Variants in AUH observed in about 807,000 individuals in gnomAD.
AUH encodes the protein AU RNA binding methylglutaconyl-CoA hydratase.
In AUH, 29 loss-of-function variants were observed where a neutral mutation model predicts 42.3. The observed-to-expected ratio is 0.69, with a 90% CI of 0.51 to 0.93. The LOEUF is 0.93. Ranked by LOEUF, AUH falls within the 40% of genes least tolerant of loss-of-function variation. The pLI, the probability that AUH is intolerant of heterozygous loss-of-function variation, is 0.00. For missense variants in AUH, 452 were observed against 438.1 expected (o/e 1.03, Z -0.28); for synonymous variants, 174 against 166.4 (o/e 1.05, Z -0.35).
intron 6 of AUH, among the ~76,000 whole-genome samples, chr9:91,272,773 G>A (rs895467930): frequency 5.9e-5 from 9 of 152,096 alleles, no homozygotes; most frequent in Non-Finnish European, 1.2e-4. Context: ...ACAAGTATCT[G>A]GTGCATAAGC....
chr9:91,301,468 G>T (rs1434620976), intron 4 of AUH, among the ~76,000 whole-genome samples: 2 of 152,162 alleles, frequency 1.3e-5, no homozygotes, highest in Non-Finnish European at 2.9e-5. Flanking sequence ...ATTCTGGGAG[G>T]CCAAGGACGA....
chr9:91,331,546 T>C lies in AUH; in HGVS notation c.419-6142A>G, dbSNP rs993227679. ...AATAACTTGTATTGCTTTTGCATTA[T>C]CTACTGCAAACTCTTTTCATTTAAA... On this transcript the variant is annotated intron_variant, in intron 3 of 9. Coordinates refer to ENST00000375731, the MANE Select transcript of AUH (RefSeq NM_001698.3). Among the ~76,000 whole-genome samples, 11 of 152,360 alleles carry C rather than the reference T, an allele frequency of 7.2e-5. No homozygotes were observed. The South Asian group carries it at 1.4e-3, about 20-fold the overall frequency.
chr9:91,358,325 T>TCA (rs1934365040), intron 1 of AUH, among the ~76,000 whole-genome samples: 1 of 152,164 alleles, frequency 6.6e-6, no homozygotes, highest in Admixed American at 6.5e-5. Context: ...GAAGTGCCTT[T>TCA]CAGACATCCA....
chr9:91,361,495 G>A (rs1462029441), intron 1 of AUH, 133 bp downstream of exon 1: 15 of 1,278,174 alleles, frequency 1.2e-5, no homozygotes, highest in South Asian at 4.5e-5. Context: ...AGGTGAGAAA[G>A]GGGAGGGACC....
chr9:91,299,615 G>A (rs1183201840), intron 4 of AUH, among the ~76,000 whole-genome samples: 1 of 152,094 alleles, frequency 6.6e-6, no homozygotes, highest in Non-Finnish European at 1.5e-5. Context: ...AGCTATGTCA[G>A]GGTTTGCAGT....
In AUH at chr9:91,214,852, C is replaced by T. The variant is rs573442469; in HGVS notation, c.943-427G>A. ...TAATCACCCAATATTTTGGGTTTTT[C>T]CAGCAGTCTTTCTTTTATTGATTTC... On this transcript the variant is annotated intron_variant, in intron 9 of 9. Coordinates refer to ENST00000375731, the MANE Select transcript of AUH (RefSeq NM_001698.3). Among the ~76,000 whole-genome samples the T allele has an allele frequency of 2.6e-5, 4 of 152,288 alleles. No homozygotes were observed. The South Asian group carries it at 8.3e-4, about 32-fold the overall frequency.
At chr9:91,226,496 T>C (rs1200672396) in intron 6 of AUH, among the ~76,000 whole-genome samples, 6 of 151,912 alleles carry the variant, frequency 3.9e-5, no homozygotes, top group Non-Finnish European at 8.8e-5. Flanking sequence ...TCCCATTCTG[T>C]AGGTTGCCTG....
intron 6 of AUH, among the ~76,000 whole-genome samples, chr9:91,278,543 G>A (rs1460207374): frequency 6.6e-6 from 1 of 152,178 alleles, no homozygotes; most frequent in Non-Finnish European, 1.5e-5. Context: ...ACCTTTGTGG[G>A]TAACAAATCT....
chr9:91,261,052 A>G (rs1564039963), intron 6 of AUH, among the ~76,000 whole-genome samples: 1 of 152,134 alleles, frequency 6.6e-6, no homozygotes, highest in Non-Finnish European at 1.5e-5. Context: ...TAAATCCTTG[A>G]GTATAAACGT....
intron 6 of AUH, among the ~76,000 whole-genome samples, chr9:91,232,159 G>C (rs1827924238): frequency 6.6e-6 from 1 of 152,056 alleles, no homozygotes; most frequent in Non-Finnish European, 1.5e-5. Flanking sequence ...CTGGGGCAGG[G>C]GGATAGCTTG....
chr9:91,314,334 A>G (rs1344255798), intron 4 of AUH, among the ~76,000 whole-genome samples: 1 of 151,764 alleles, frequency 6.6e-6, no homozygotes, highest in East Asian at 2.0e-4. Flanking sequence ...ACGAAACAAC[A>G]CAAAACTTAG....
intron 6 of AUH, among the ~76,000 whole-genome samples, chr9:91,228,257 C>T (rs907351343): frequency 7.9e-5 from 12 of 152,186 alleles, no homozygotes; most frequent in African/African-American, 2.9e-4. Flanking sequence ...TTCAGAGATT[C>T]AACTTCTTCG....
At chr9:91,316,394 T>A (rs1221553866) in intron 4 of AUH, among the ~76,000 whole-genome samples, 2 of 152,200 alleles carry the variant, frequency 1.3e-5, no homozygotes, top group Non-Finnish European at 2.9e-5. Flanking sequence ...TAAATACCCC[T>A]TAAAAAGTGA....
Position 91,298,059 on chromosome 9 carries a change from T to C in AUH, c.523A>G (p.Thr175Ala). 1.2e-6 allele frequency: 2 copies of C among 1,613,828 alleles called. No individual in the cohort carries two copies. The highest frequency in any genetic ancestry group is 1.1e-5 in the South Asian group (1 of 91,070). ...INDIANLPVP[T>A]IAAIDGLALG... ...GCGAGTCCATCTATTGCTGCAATTG[T>C]TGGTACTGGAAGATTAGCTGAAATG... The change falls in exon 5 of 10, where the codon ACA (threonine) becomes GCA (alanine). Residue 175 changes from threonine (T) to alanine (A), a missense_variant. Physicochemically the swap from Thr to Ala is moderately conservative, Grantham distance 58. Coordinates refer to ENST00000375731, the MANE Select transcript of AUH (RefSeq NM_001698.3).
At chr9:91,346,462 A>T (rs528260467) in intron 3 of AUH, among the ~76,000 whole-genome samples, 1 of 152,128 alleles carries the variant, frequency 6.6e-6, no homozygotes, top group Admixed American at 6.6e-5. Context: ...TGCTCTAAGT[A>T]CCTCCTCCAC....
chr9:91,233,168 C>T (rs73497144), intron 6 of AUH, among the ~76,000 whole-genome samples: 8 of 152,078 alleles, frequency 5.3e-5, no homozygotes, highest in African/African-American at 1.2e-4. Context: ...AGTAAGAAAG[C>T]GGGGGGAGAT....
In AUH at chr9:91,291,262, C is replaced by T. The variant is rs74550375; in HGVS notation, c.655+4759G>A. Among the ~76,000 whole-genome samples, 3,597 of 151,646 alleles carry T rather than the reference C, an allele frequency of 0.024. 258 individuals carry two copies. The East Asian group carries it at 0.26, about 11-fold the overall frequency. ...TCTCATCTTGAGATCCTTAATTACA[C>T]GTGCAAGATGCTTTTCCTTCCAGGC... On this transcript the variant is annotated intron_variant, in intron 6 of 9. Transcript: ENST00000375731.
intron 4 of AUH, among the ~76,000 whole-genome samples, chr9:91,323,929 CCT>C (rs1829781827): frequency 6.6e-6 from 1 of 152,002 alleles, no homozygotes; most frequent in South Asian, 2.1e-4. Context: ...AGAAATTTTT[CCT>C]CTTTGCCTTA....
chr9:91,298,003 G>A lies in AUH; in HGVS notation c.579C>T (p.Ala193=), dbSNP rs769122360. 2 of 1,611,740 alleles carry A rather than the reference G, an allele frequency of 1.2e-6. No individual in the cohort carries two copies. Among genetic ancestry groups the A allele is most frequent in the African/African-American group, 1.3e-5 (1 of 74,862 alleles). Residue 193 remains alanine, a synonymous_variant, in exon 5 of 10, where the codon GCC becomes GCT. Coordinates refer to ENST00000375731, the MANE Select transcript of AUH (RefSeq NM_001698.3). ...TCTTACCTGCTACTCGTATATCACA[G>A]GCTAAAGCCAGTTCAAGACCACCAC... The part of the protein sequence containing the change: ...ALGGGLELAL[A]CDIRVAASSA...
Sources: gnomAD v4.1 joint callset for allele counts (sites outside exome capture counted in the v4.1 genomes callset) on GRCh38, gnomAD v4.1.1 for gene constraint, MANE v1.5 for transcripts, NCBI Gene and HGNC (gene_info 2026-07-23, HGNC 2026-07-21) for gene names.